MINDY4B: variants seen among roughly 807,000 people sequenced by gnomAD.
The protein encoded by MINDY4B is MINDY family member 4B.
In MINDY4B, 25 loss-of-function variants were observed where a neutral mutation model predicts 16.7. That is an observed-to-expected ratio of 1.49 (90% CI 1.09 to 2.09). MINDY4B has a LOEUF of 2.09. Among genes scored for constraint, MINDY4B ranks in the 30% most tolerant of loss-of-function variants. The probability of loss-of-function intolerance (pLI) is 0.00; values close to 1 mark genes in which losing one functional copy is unlikely to be tolerated. For synonymous variants in MINDY4B, 132 were observed against 61.9 expected, an observed-to-expected ratio of 2.13 and a Z score of -5.32; for missense variants, 327 against 168.4, an observed-to-expected ratio of 1.94 and a Z score of -5.21.
chr3:150,891,379 A>G (rs1576613352), intron 5 of MINDY4B, among the ~76,000 whole-genome samples: 1 of 152,236 alleles, frequency 6.6e-6, no homozygotes, highest in Non-Finnish European at 1.5e-5. Flanking sequence ...TGAGAACTAT[A>G]GTCTTTATAA....
chr3:150,883,222 C>T (rs1407526606), intron 9 of MINDY4B, among the ~76,000 whole-genome samples, 164 bp from the exon 10 acceptor site: 3 of 152,104 alleles, frequency 2.0e-5, no homozygotes, highest in African/African-American at 7.2e-5. Context: ...AGATTTAAAA[C>T]AATCATTTAT....
chr3:150,890,187 T>C, intron 7 of MINDY4B, 133 bp downstream of exon 7: 1 of 422,714 alleles, frequency 2.4e-6, no homozygotes, highest in East Asian at 3.5e-5. Context: ...GTTCTCTCAT[T>C]CTGCCCTTTC....
chr3:150,880,743 A>G (rs986507736), intron 10 of MINDY4B, among the ~76,000 whole-genome samples: 4 of 152,190 alleles, frequency 2.6e-5, no homozygotes, highest in African/African-American at 9.7e-5. Flanking sequence ...TAAAATCATT[A>G]TTGCATTTTT....
chr3:150,877,583 C>G (rs1287411131), intron 10 of MINDY4B, among the ~76,000 whole-genome samples: 1 of 152,134 alleles, frequency 6.6e-6, no homozygotes, highest in African/African-American at 2.4e-5. Context: ...TCTCTAAGCA[C>G]CACTGAGCTT....
intron 7 of MINDY4B, among the ~76,000 whole-genome samples, chr3:150,886,556 T>A (rs1483167413): frequency 2.6e-5 from 4 of 152,214 alleles, no homozygotes. Context: ...GAATTTATTA[T>A]CTCACCGTTC....
chr3:150,892,622 C>A (rs919916558), intron 5 of MINDY4B, among the ~76,000 whole-genome samples: 1 of 151,852 alleles, frequency 6.6e-6, no homozygotes, highest in African/African-American at 2.4e-5. Flanking sequence ...TAGGCAAAAA[C>A]CAAACATCAT....
intron 3 of MINDY4B, among the ~76,000 whole-genome samples, chr3:150,895,071 T>G (rs1169658030): frequency 6.6e-6 from 1 of 152,244 alleles, no homozygotes. Context: ...TAGCATTTAC[T>G]GAGCATTTTC....
rs529430897 is a variant in MINDY4B at position 150,903,136 on chromosome 3, T to C, written c.309+113A>G. ...ATTCTCCTTTTACCAATAACAACCA[T>C]CTGTAGTCTTATCTTCAATATACTC... On this transcript the variant is annotated intron_variant, in intron 3 of 11. Transcript: ENST00000465419. The C allele has an allele frequency of 6.3e-4, 249 of 397,014 alleles. 3 individuals carry two copies. Among genetic ancestry groups the C allele is most frequent in the African/African-American group, 4.8e-3 (235 of 48,714 alleles). 24.6% of individuals were successfully genotyped at this position (397,014 alleles called of 1,614,324 possible).
At chr3:150,883,835 CT>C in intron 8 of MINDY4B, 63 bp from the exon 9 acceptor site, 1 of 694,820 alleles carries the variant, frequency 1.4e-6, no homozygotes. Flanking sequence ...CCTGCAGCTT[CT>C]TTTCCCCCAA....
intron 8 of MINDY4B, among the ~76,000 whole-genome samples, chr3:150,884,823 C>T (rs1314286625): frequency 2.6e-5 from 4 of 152,156 alleles, no homozygotes; most frequent in Admixed American, 6.5e-5. Flanking sequence ...AGGCCCCTTC[C>T]TCCTCTGGAG....
At chr3:150,897,321 CTGTGTGTGTGTGTGTGTGTGTGTGTG>C (rs3062408) in intron 3 of MINDY4B, among the ~76,000 whole-genome samples, 5 of 130,500 alleles carry the variant, frequency 3.8e-5, no homozygotes, top group Admixed American at 1.5e-4. Context: ...GTGACTGGAA[CTGTGTGTGTGTGTGTGTGTGTGTGTG>C]TGTGTGTGTG....
At chr3:150,881,299 G>A (rs1168495281) in intron 10 of MINDY4B, among the ~76,000 whole-genome samples, 3 of 152,140 alleles carry the variant, frequency 2.0e-5, no homozygotes, top group Non-Finnish European at 2.9e-5. Flanking sequence ...CAGGAGAATC[G>A]CTTGAACCCA....
rs1353495489 is a variant in MINDY4B at position 150,893,331 on chromosome 3, G to C, written c.514C>G (p.Leu172Val). The C allele has an allele frequency of 1.4e-6, 1 of 702,626 alleles. No individual in the cohort carries two copies. The highest frequency in any genetic ancestry group is 2.6e-6 in the Non-Finnish European group (1 of 384,824). 43.5% of individuals were successfully genotyped at this position (702,626 alleles called of 1,614,324 possible). ...TTCTCACAGTCCTCTTACTTGCCAA[G>C]GTTACAGTCTTTTCCTTTCCTGGTA... Reference protein sequence around the residue: ...LFTRKGKDCNLGNLCEISKKE... With the variant: ...LFTRKGKDCNVGNLCEISKKE... The change falls in exon 5 of 12, where the codon CTT becomes GTT. Residue 172 changes from leucine to valine, a missense_variant. Leu to Val is a conservative substitution (Grantham distance 32, BLOSUM62 1). Coordinates refer to ENST00000465419, the MANE Select transcript of MINDY4B (RefSeq NM_001351281.2).
Position 150,881,485 on chromosome 3 carries a change from T to C in MINDY4B, c.1059+1412A>G, listed in dbSNP as rs1162097218. Among the ~76,000 whole-genome samples the C allele has an allele frequency of 2.6e-5, 4 of 151,146 alleles. No individual in the cohort carries two copies. In the East Asian group the frequency reaches 7.8e-4, roughly 29 times the overall value. ...TTCGGAAGAGTAGAATAAGACATATTGATATGGCTGGGCACAGTGCCTCAC... is the reference window on the plus strand; with the variant it reads ...TTCGGAAGAGTAGAATAAGACATATCGATATGGCTGGGCACAGTGCCTCAC... On this transcript the variant is annotated intron_variant, in intron 10 of 11. Transcript: ENST00000465419.
intron 3 of MINDY4B, among the ~76,000 whole-genome samples, chr3:150,899,911 A>T (rs931892262): frequency 3.9e-5 from 6 of 152,200 alleles, no homozygotes; most frequent in Non-Finnish European, 7.3e-5. Context: ...TCAGAGCTTC[A>T]TTCATTTGAG....
chr3:150,904,932 G>A (rs945136196), intron 2 of MINDY4B, 130 bp downstream of exon 2: 3 of 397,088 alleles, frequency 7.6e-6, no homozygotes, highest in Non-Finnish European at 8.9e-6. Flanking sequence ...CTAGTTTTAT[G>A]TTTTCACGCG....
rs886725973 is a variant in MINDY4B at position 150,870,759 on chromosome 3, G to C, written c.*286C>G. Reference sequence around the variant, plus strand: ...CAACTTTGGAAAAACATGCAAGAGAGAGGCTTCATTTTCTCTTTTGAATAA... The same window carrying C: ...CAACTTTGGAAAAACATGCAAGAGACAGGCTTCATTTTCTCTTTTGAATAA... On this transcript the variant is annotated 3_prime_UTR_variant, in exon 12 of 12. Transcript: ENST00000465419. Among the ~76,000 whole-genome samples the C allele has an allele frequency of 1.1e-4, 17 of 152,178 alleles. No homozygotes were observed. Among genetic ancestry groups the C allele is most frequent in the African/African-American group, 4.1e-4 (17 of 41,438 alleles).
chr3:150,871,551 G>GAA (rs757301275), intron 11 of MINDY4B, among the ~76,000 whole-genome samples: 6 of 141,708 alleles, frequency 4.2e-5, no homozygotes, highest in Admixed American at 7.1e-5. Flanking sequence ...ATATTGTCAG[G>GAA]AAAAAAAAAA....
At position 150,881,371 on chromosome 3, in the gene MINDY4B, G is replaced by A. The variant is rs183272371; in HGVS notation, c.1059+1526C>T. On this transcript the variant is annotated intron_variant, in intron 10 of 11. Transcript: ENST00000465419. ...TGCACTCCAGCCTGGGTGACACAGC[G>A]AACTCTGTCTCAAAAATAAATAAAT... is the stretch of plus-strand genomic sequence containing the variant. Among the ~76,000 whole-genome samples the A allele has an allele frequency of 3.9e-5, 6 of 152,042 alleles. No homozygotes were observed. In the East Asian group the frequency reaches 7.7e-4, roughly 20 times the overall value.
Sources: allele counts gnomAD v4.1 joint callset (sites outside exome capture counted in the v4.1 genomes callset), GRCh38; gene constraint gnomAD v4.1.1; transcripts MANE v1.5; gene names NCBI Gene and HGNC (gene_info 2026-07-23, HGNC 2026-07-21).